The following FOXN3 variants were observed in gnomAD, a reference collection of about 807,000 sequenced individuals.
The protein encoded by FOXN3 is forkhead box N3, also known as forkhead box protein N3.
In FOXN3, 7 loss-of-function variants were observed where a neutral mutation model predicts 38.4. The observed-to-expected ratio is 0.18, with a 90% CI of 0.10 to 0.34. The LOEUF (loss-of-function observed/expected upper bound fraction) is 0.34, where lower values mean the gene tolerates loss of function less well. Ranked by LOEUF, FOXN3 falls within the 10% of genes least tolerant of loss-of-function variation. The probability of loss-of-function intolerance (pLI) is 1.00; values close to 1 mark genes in which losing one functional copy is unlikely to be tolerated. For missense variants in FOXN3, 456 were observed against 613.4 expected, an observed-to-expected ratio of 0.74 and a Z score of 2.71; for synonymous variants, 230 against 242.2, an observed-to-expected ratio of 0.95 and a Z score of 0.47.
intron 1 of FOXN3, among the ~76,000 whole-genome samples, chr14:89,511,167 TTC>T (rs1894058780): frequency 4.4e-5 from 1 of 22,628 alleles, no homozygotes; most frequent in Non-Finnish European, 2.7e-4. Flanking sequence ...CTTTCTTTCT[TTC>T]TTTCTTTCTT....
intron 1 of FOXN3, among the ~76,000 whole-genome samples, chr14:89,504,295 G>A (rs1319803300): frequency 6.6e-6 from 1 of 152,224 alleles, no homozygotes; most frequent in Non-Finnish European, 1.5e-5. Context: ...CAACCCATGT[G>A]TTTGCAGGAC....
At chr14:89,381,700 A>T (rs572929450) in intron 2 of FOXN3, among the ~76,000 whole-genome samples, 1 of 152,058 alleles carries the variant, frequency 6.6e-6, no homozygotes, top group South Asian at 2.1e-4. Context: ...TCTATGAAAA[A>T]ATTAAAAAAA....
At chr14:89,554,040 C>T (rs1033987515) in intron 1 of FOXN3, among the ~76,000 whole-genome samples, 1 of 152,102 alleles carries the variant, frequency 6.6e-6, no homozygotes, top group African/African-American at 2.4e-5. Flanking sequence ...CCCGCTCTGT[C>T]GCTCAGGCTG....
At chr14:89,334,427 T>C (rs1888376556) in intron 3 of FOXN3, among the ~76,000 whole-genome samples, 1 of 152,066 alleles carries the variant, frequency 6.6e-6, no homozygotes, top group African/African-American at 2.4e-5. Flanking sequence ...CTGGCCAACA[T>C]GGCAAAACCC....
chr14:89,354,561 A>AAG (rs1555420528), intron 2 of FOXN3, among the ~76,000 whole-genome samples: 2 of 145,274 alleles, frequency 1.4e-5, no homozygotes, highest in South Asian at 2.2e-4. Context: ...AAAAAAAAAA[A>AAG]GAAAAGAAAT....
At chr14:89,186,258 T>C (rs967388379) in intron 4 of FOXN3, among the ~76,000 whole-genome samples, 6 of 152,250 alleles carry the variant, frequency 3.9e-5, no homozygotes, top group African/African-American at 1.4e-4. Flanking sequence ...GTGTCTGACA[T>C]ACATCCCAGT....
Position 89,460,752 on chromosome 14 carries a change from C to T in FOXN3, c.-14-48262G>A, listed in dbSNP as rs1015739109. On this transcript the variant is annotated intron_variant, in intron 1 of 6. Coordinates refer to the FOXN3 transcript ENST00000345097. ...TGGTAAAATAAATGAAGACAAATGCCGGGCGCGGTGACTCACAACTGTAAT... is the reference window on the plus strand; with the variant it reads ...TGGTAAAATAAATGAAGACAAATGCTGGGCGCGGTGACTCACAACTGTAAT... 2.6e-5 allele frequency among the ~76,000 whole-genome samples: 4 copies of T among 152,010 alleles called. No individual in the cohort carries two copies. In the East Asian group the frequency reaches 5.8e-4, roughly 22 times the overall value.
chr14:89,470,274 C>T (rs1566667193), intron 1 of FOXN3, among the ~76,000 whole-genome samples: 2 of 136,712 alleles, frequency 1.5e-5, no homozygotes, highest in Admixed American at 8.1e-5. Flanking sequence ...ACAATTATTA[C>T]ATATTTCTCT....
intron 1 of FOXN3, among the ~76,000 whole-genome samples, chr14:89,508,333 C>T (rs576886543): frequency 2.0e-5 from 3 of 152,250 alleles, no homozygotes; most frequent in Middle Eastern, 3.4e-3. Context: ...AGCACCGTTC[C>T]CTGTCACAAT....
intron 1 of FOXN3, among the ~76,000 whole-genome samples, chr14:89,440,966 C>T (rs1238144993): frequency 6.6e-6 from 1 of 152,182 alleles, no homozygotes; most frequent in African/African-American, 2.4e-5. Context: ...ATGGTGGGTT[C>T]ACGTGTCCAA....
intron 2 of FOXN3, among the ~76,000 whole-genome samples, chr14:89,391,601 C>T (rs1264553807): frequency 1.3e-5 from 2 of 152,212 alleles, no homozygotes; most frequent in Non-Finnish European, 2.9e-5. Context: ...TCTTATTGTA[C>T]CAATTCAAGC....
intron 1 of FOXN3, among the ~76,000 whole-genome samples, chr14:89,558,435 T>C (rs1419339196): frequency 1.3e-5 from 2 of 152,100 alleles, no homozygotes; most frequent in Non-Finnish European, 2.9e-5. Context: ...GGGGCAGGTA[T>C]TAAGAAGCAG....
At chr14:89,588,687 A>G (rs1247592899) in intron 1 of FOXN3, among the ~76,000 whole-genome samples, 2 of 152,192 alleles carry the variant, frequency 1.3e-5, no homozygotes. Flanking sequence ...CCTGGTCAGT[A>G]CCTGGATGGT....
intron 1 of FOXN3, among the ~76,000 whole-genome samples, chr14:89,437,725 A>T (rs1892300841): frequency 6.6e-6 from 1 of 152,246 alleles, no homozygotes; most frequent in Non-Finnish European, 1.5e-5. Flanking sequence ...GGCAACCAGC[A>T]GCCATCAGGG....
At chr14:89,552,006 T>C (rs1162081951) in intron 1 of FOXN3, among the ~76,000 whole-genome samples, 1 of 152,342 alleles carries the variant, frequency 6.6e-6, no homozygotes, top group Non-Finnish European at 1.5e-5. Flanking sequence ...GAATATCACA[T>C]GCTGCTGTTA....
intron 4 of FOXN3, among the ~76,000 whole-genome samples, chr14:89,273,601 C>T (rs1886217812): frequency 6.6e-6 from 1 of 152,176 alleles, no homozygotes; most frequent in African/African-American, 2.4e-5. Flanking sequence ...TCAGAATCAA[C>T]CAAAGCCTTC....
At chr14:89,556,044 A>C (rs1895116967) in intron 1 of FOXN3, among the ~76,000 whole-genome samples, 1 of 152,136 alleles carries the variant, frequency 6.6e-6, no homozygotes, top group South Asian at 2.1e-4. Context: ...TCATGTAACA[A>C]GCAAAATTTA....
At chr14:89,415,847 T>TAC (rs5810462) in intron 1 of FOXN3, among the ~76,000 whole-genome samples, 1,471 of 140,480 alleles carry the variant, frequency 0.01, 27 homozygotes, top group African/African-American at 0.029. Context: ...AACTTTTCTC[T>TAC]ACACACACAC....
intron 2 of FOXN3, among the ~76,000 whole-genome samples, chr14:89,355,518 T>C (rs931977009): frequency 6.6e-6 from 1 of 152,166 alleles, no homozygotes; most frequent in African/African-American, 2.4e-5. Flanking sequence ...AATACAGGCA[T>C]GAGCCACTAC....
Sources: gnomAD v4.1 joint callset for allele counts (sites outside exome capture counted in the v4.1 genomes callset) on GRCh38, gnomAD v4.1.1 for gene constraint, MANE v1.5 for transcripts, NCBI Gene and HGNC (gene_info 2026-07-23, HGNC 2026-07-21) for gene names.